The following AGAP1 variants were observed in gnomAD, a reference collection of about 807,000 sequenced individuals.
The protein encoded by AGAP1 is ArfGAP with GTPase domain, ankyrin repeat and PH domain 1, also known as arf-GAP with GTPase, ANK repeat and PH domain-containing protein 1.
Under a neutral mutation model 105.3 loss-of-function variants are expected in AGAP1, and 29 were observed. The ratio of observed to expected loss-of-function variants is 0.28; its 90% CI spans 0.21 to 0.38. The LOEUF (loss-of-function observed/expected upper bound fraction) is 0.38. Ranked by LOEUF, AGAP1 falls within the 10% of genes least tolerant of loss-of-function variation. The pLI is 1.00. For synonymous variants in AGAP1, 509 were observed against 485.9 expected (o/e 1.05, Z -0.63); for missense variants, 998 against 1,165.1 (o/e 0.86, Z 2.09).
At chr2:236,017,292 C>CAAA (rs1202844758) in intron 13 of AGAP1, among the ~76,000 whole-genome samples, 6 of 104,508 alleles carry the variant, frequency 5.7e-5, no homozygotes, top group African/African-American at 2.0e-4. Flanking sequence ...GACTCCATCT[C>CAAA]AAAAAAAAAA....
At position 236,087,189 on chromosome 2, in the gene AGAP1, A is replaced by G. The variant is rs535686066; in HGVS notation, c.2115-33003A>G. On this transcript the variant is annotated intron_variant, in intron 16 of 17. Coordinates refer to ENST00000304032, the MANE Select transcript of AGAP1 (RefSeq NM_001037131.3). This position sits in a 1 kb window ranked among gnomAD's most constrained non-coding sequence, Gnocchi z 5.7. ...CCAATAAATTGTTTCAGGAAGTGAA[A>G]GTCTGTCCAGGCTAATGGAGCTGTG... is the stretch of plus-strand genomic sequence containing the variant. Among the ~76,000 whole-genome samples, 268 of 152,250 alleles carry G rather than the reference A, an allele frequency of 1.8e-3. 3 individuals are homozygous for G. The highest frequency in any genetic ancestry group is 0.011 in the South Asian group (53 of 4,818).
In AGAP1 at chr2:235,574,232, A is replaced by G. The variant is rs902360436; in HGVS notation, c.163+79383A>G. Among the ~76,000 whole-genome samples, 1 of 152,190 alleles carries G rather than the reference A, an allele frequency of 6.6e-6. No homozygotes were observed. The highest frequency in any genetic ancestry group is 1.5e-5 in the Non-Finnish European group (1 of 68,032). On this transcript the variant is annotated intron_variant, in intron 1 of 17. Coordinates refer to ENST00000304032, the MANE Select transcript of AGAP1 (RefSeq NM_001037131.3). This position sits in a 1 kb window ranked among gnomAD's most constrained non-coding sequence, Gnocchi z 5.0. The stretch of plus-strand genomic sequence containing the variant: ...ACGGACTCTTTCAGGTTGTTTGGAT[A>G]ATCATCCTAAAAACGCCTCTGAGAT...
intron 13 of AGAP1, among the ~76,000 whole-genome samples, chr2:236,018,331 T>G (rs1275039217): frequency 2.6e-5 from 4 of 152,178 alleles, no homozygotes; most frequent in Non-Finnish European, 5.9e-5. Context: ...CTCACCAATG[T>G]TCAACTGAAA....
At chr2:235,529,114 G>A (rs1234991734) in intron 1 of AGAP1, among the ~76,000 whole-genome samples, 1 of 152,214 alleles carries the variant, frequency 6.6e-6, no homozygotes, top group Non-Finnish European at 1.5e-5. Context: ...TGGCCCCTAG[G>A]CCACACCTCT....
At chr2:235,827,531 C>T (rs1323741985) in intron 9 of AGAP1, among the ~76,000 whole-genome samples, 1 of 152,174 alleles carries the variant, frequency 6.6e-6, no homozygotes, top group Non-Finnish European at 1.5e-5. Flanking sequence ...CATTTTGATA[C>T]ATTAATGAGC....
intron 1 of AGAP1, among the ~76,000 whole-genome samples, chr2:235,647,322 A>G (rs1457301488): frequency 6.6e-6 from 1 of 152,138 alleles, no homozygotes; most frequent in African/African-American, 2.4e-5. Flanking sequence ...ATGTAGCATG[A>G]CTGTCTCAGA....
At chr2:235,686,614 G>GATATAGATATATATATAT (rs1238468767) in intron 1 of AGAP1, among the ~76,000 whole-genome samples, 1 of 37,928 alleles carries the variant, frequency 2.6e-5, no homozygotes, top group Non-Finnish European at 5.1e-5. Context: ...TATACGTGGA[G>GATATAGATATATATATAT]ATATAGATAT....
rs1169832434 is a variant in AGAP1, at chr2:235,887,142, T to G, written c.1155+3693T>G. On this transcript the variant is annotated intron_variant, in intron 10 of 17. Coordinates refer to ENST00000304032, the MANE Select transcript of AGAP1 (RefSeq NM_001037131.3). The surrounding 1 kb of genome is among the most constrained non-coding windows in gnomAD (Gnocchi z 4.1). ...AGATCGTAGAACCAGATGATCTCAG[T>G]TAAACACGGACCATGCTGTGACACC... Among the ~76,000 whole-genome samples, 1 of 152,144 alleles carries G rather than the reference T, an allele frequency of 6.6e-6. No individual in the cohort carries two copies. Among genetic ancestry groups the G allele is most frequent in the Admixed American group, 6.5e-5 (1 of 15,280 alleles).
intron 1 of AGAP1, among the ~76,000 whole-genome samples, chr2:235,638,109 A>G (rs1040567508): frequency 2.0e-5 from 3 of 152,222 alleles, no homozygotes; most frequent in African/African-American, 7.2e-5. Flanking sequence ...TGAAATGCCC[A>G]GTCAAACTGA....
At chr2:235,932,311 G>A (rs1021232619) in intron 12 of AGAP1, among the ~76,000 whole-genome samples, 10 of 152,250 alleles carry the variant, frequency 6.6e-5, no homozygotes, top group South Asian at 4.2e-4. Context: ...CCTCCCTTAC[G>A]TAGAAGTTAG....
chr2:235,581,424 A>G (rs1944928881), intron 1 of AGAP1, among the ~76,000 whole-genome samples: 1 of 150,274 alleles, frequency 6.7e-6, no homozygotes, highest in African/African-American at 2.5e-5. Context: ...GAATTCAATC[A>G]TGAAGAAGAT....
At chr2:235,831,773 T>A (rs1959440233) in intron 9 of AGAP1, among the ~76,000 whole-genome samples, 1 of 152,226 alleles carries the variant, frequency 6.6e-6, no homozygotes, top group Non-Finnish European at 1.5e-5. Flanking sequence ...TAATACACAT[T>A]TGGGTGCAGG....
At chr2:235,760,939 C>T (rs1954388430) in intron 6 of AGAP1, among the ~76,000 whole-genome samples, 1 of 152,196 alleles carries the variant, frequency 6.6e-6, no homozygotes, top group Non-Finnish European at 1.5e-5. Context: ...ATTTGCTTAA[C>T]ACCAGCCATT....
rs1177421007 is a variant in AGAP1, at chr2:235,979,107, A to G, written c.1645+10484A>G. Among the ~76,000 whole-genome samples the G allele has an allele frequency of 2.7e-5, 4 of 150,810 alleles. No individual in the cohort carries two copies. The East Asian group carries it at 7.8e-4, about 29-fold the overall frequency. On this transcript the variant is annotated intron_variant, in intron 13 of 17. Transcript: ENST00000304032. This position sits in a 1 kb window ranked among gnomAD's most constrained non-coding sequence, Gnocchi z 4.5. ...GCTTTTTCTTTTTTTGGATGACAGAAGTGTATTTGTGGGGTTTTTTTGTTG... is the reference window on the plus strand; with the variant it reads ...GCTTTTTCTTTTTTTGGATGACAGAGGTGTATTTGTGGGGTTTTTTTGTTG...
intron 1 of AGAP1, among the ~76,000 whole-genome samples, chr2:235,571,463 C>T (rs1944511637): frequency 6.6e-6 from 1 of 152,222 alleles, no homozygotes; most frequent in African/African-American, 2.4e-5. Flanking sequence ...CCATGTGCTG[C>T]TGATGGCTGC....
At chr2:235,876,889 C>T (rs2049770839) in intron 9 of AGAP1, among the ~76,000 whole-genome samples, 1 of 150,852 alleles carries the variant, frequency 6.6e-6, no homozygotes, top group East Asian at 2.0e-4. Context: ...CTCTTGTTGC[C>T]CAGTCTGGAG....
chr2:235,821,631 T>C (rs1273245027), intron 9 of AGAP1, among the ~76,000 whole-genome samples: 1 of 152,174 alleles, frequency 6.6e-6, no homozygotes, highest in Non-Finnish European at 1.5e-5. Context: ...CCAGCTTCCT[T>C]CACTGTGGAC....
rs558771778 is a variant in AGAP1 at position 235,806,055 on chromosome 2, A to C, written c.958-1184A>C. Reference sequence around the variant, plus strand: ...TTAATTTGGTAGCAGCCTCTTCTGGAATCCTAAATGCGTCCCATCAGCCCT... The same window carrying C: ...TTAATTTGGTAGCAGCCTCTTCTGGCATCCTAAATGCGTCCCATCAGCCCT... On this transcript the variant is annotated intron_variant, in intron 8 of 17. Coordinates refer to ENST00000304032, the MANE Select transcript of AGAP1 (RefSeq NM_001037131.3). Among the ~76,000 whole-genome samples, 12 of 152,244 alleles carry C rather than the reference A, an allele frequency of 7.9e-5. 1 individual carries two copies. In the South Asian group the frequency reaches 2.5e-3, roughly 32 times the overall value.
intron 1 of AGAP1, chr2:235,670,442 C>T (rs1397918846): frequency 9.1e-6 from 5 of 551,120 alleles, no homozygotes; most frequent in Non-Finnish European, 1.6e-5. Flanking sequence ...CGCACGCGGC[C>T]TGGAACCCGC....
Sources: gnomAD v4.1 joint callset for allele counts (sites outside exome capture counted in the v4.1 genomes callset) on GRCh38, gnomAD v4.1.1 for gene constraint, Gnocchi (gnomAD v3.1) non-coding constraint, MANE v1.5 for transcripts, NCBI Gene and HGNC (gene_info 2026-07-23, HGNC 2026-07-21) for gene names.